Variants in CCDC149 observed in about 807,000 individuals in gnomAD.
CCDC149 encodes the protein coiled-coil domain containing 149.
CCDC149 carries 45 observed loss-of-function variants against 59.9 expected under a neutral mutation model. The observed-to-expected ratio is 0.75, with a 90% CI of 0.59 to 0.96. The LOEUF is 0.96. Among genes scored for constraint, CCDC149 ranks in the 40% least tolerant of loss-of-function variants. CCDC149 has a pLI of 0.00. For synonymous variants in CCDC149, 245 were observed against 260.6 expected (o/e 0.94, Z 0.58); for missense variants, 584 against 664.7 (o/e 0.88, Z 1.33).
rs559079662 is a variant in CCDC149 at position 24,827,756 on chromosome 4, G to A, written c.965+3750C>T. The A allele has an allele frequency of 4.6e-5, 7 of 152,300 alleles. No individual in the cohort carries two copies. In the East Asian group the frequency reaches 5.8e-4, roughly 13 times the overall value. 9.4% of individuals were successfully genotyped at this position (152,300 alleles called of 1,614,324 possible). On this transcript the variant is annotated intron_variant, in intron 9 of 12. Coordinates refer to ENST00000635206, the MANE Select transcript of CCDC149 (RefSeq NM_001330643.2). ...TCATCAATTCTTCGAGATGGCTTCC[G>A]TTGGAGCCTCTCAAGGGTGGTAACT...
chr4:24,866,823 C>CCA (rs3066470), intron 3 of CCDC149, among the ~76,000 whole-genome samples: 118,880 of 142,032 alleles, frequency 0.84, 49,736 homozygotes, highest in South Asian at 0.9. Context: ...ACACACACAC[C>CCA]CACACACACA....
At chr4:24,810,791 T>A (rs1459160314) in intron 12 of CCDC149, among the ~76,000 whole-genome samples, 1 of 152,210 alleles carries the variant, frequency 6.6e-6, no homozygotes, top group Non-Finnish European at 1.5e-5. Context: ...CAATGAAATG[T>A]AGTTTTTCCT....
intron 8 of CCDC149, among the ~76,000 whole-genome samples, chr4:24,832,519 C>T (rs1018165439): frequency 6.6e-6 from 1 of 152,184 alleles, no homozygotes; most frequent in Non-Finnish European, 1.5e-5. Flanking sequence ...AGGACTGAGA[C>T]CCATATGAGA....
intron 1 of CCDC149, among the ~76,000 whole-genome samples, chr4:24,905,063 G>T (rs956207785): frequency 6.6e-6 from 1 of 151,742 alleles, no homozygotes; most frequent in African/African-American, 2.4e-5. Context: ...CACCATGCCT[G>T]CCTAATTTTT....
intron 8 of CCDC149, 63 bp from the exon 9 acceptor site, chr4:24,831,713 A>G: frequency 6.8e-7 from 1 of 1,461,776 alleles, no homozygotes. Flanking sequence ...AATGCAAACC[A>G]ATGTCAATCC....
intron 1 of CCDC149, among the ~76,000 whole-genome samples, chr4:24,946,550 A>AT (rs1222352519): frequency 1.3e-5 from 2 of 152,206 alleles, no homozygotes; most frequent in African/African-American, 4.8e-5. Flanking sequence ...TGGTAAAGAT[A>AT]TTTTTTAAAA....
intron 1 of CCDC149, among the ~76,000 whole-genome samples, chr4:24,919,536 C>A (rs952474951): frequency 2.6e-5 from 4 of 152,098 alleles, no homozygotes; most frequent in South Asian, 2.1e-4. Flanking sequence ...AAAGGAAAAC[C>A]AGGTCTATTT....
intron 1 of CCDC149, among the ~76,000 whole-genome samples, chr4:24,957,859 C>G (rs1233385169): frequency 1.3e-5 from 2 of 152,140 alleles, no homozygotes; most frequent in African/African-American, 4.8e-5. Context: ...TGGGAAGAAG[C>G]AAGATTGGAA....
intron 1 of CCDC149, among the ~76,000 whole-genome samples, chr4:24,908,800 A>C (rs1239394793): frequency 6.6e-6 from 1 of 152,262 alleles, no homozygotes; most frequent in African/African-American, 2.4e-5. Context: ...AACATGCTCA[A>C]GGAATAGGAG....
intron 1 of CCDC149, among the ~76,000 whole-genome samples, chr4:24,941,345 C>T (rs1287598800): frequency 3.3e-5 from 5 of 152,074 alleles, no homozygotes; most frequent in South Asian, 4.2e-4. Context: ...TCTTTGAAAC[C>T]GACGAGAACA....
At chr4:24,866,484 A>T (rs1300740878) in intron 3 of CCDC149, among the ~76,000 whole-genome samples, 3 of 152,166 alleles carry the variant, frequency 2.0e-5, no homozygotes, top group African/African-American at 7.2e-5. Flanking sequence ...TTAGCAAAAG[A>T]AAAATATTTA....
At chr4:24,813,444 CTAGA>C (rs1318536658) in intron 12 of CCDC149, among the ~76,000 whole-genome samples, 1 of 143,304 alleles carries the variant, frequency 7.0e-6, no homozygotes. Context: ...TCTAAGGTTT[CTAGA>C]TAAATTGCTG....
intron 1 of CCDC149, among the ~76,000 whole-genome samples, chr4:24,907,074 A>G (rs1177594925): frequency 6.6e-6 from 1 of 152,222 alleles, no homozygotes; most frequent in Non-Finnish European, 1.5e-5. Context: ...CCACTACTCA[A>G]ACAACAAAAA....
chr4:24,929,954 C>T (rs992351740), intron 1 of CCDC149, among the ~76,000 whole-genome samples: 1 of 152,164 alleles, frequency 6.6e-6, no homozygotes, highest in African/African-American at 2.4e-5. Flanking sequence ...ATGGAAAGAA[C>T]AAGAAACTAG....
chr4:24,898,332 G>T (rs1164125389), intron 1 of CCDC149, among the ~76,000 whole-genome samples: 1 of 152,132 alleles, frequency 6.6e-6, no homozygotes, highest in Admixed American at 6.5e-5. Flanking sequence ...CAGAGAAAAT[G>T]AGGTATTGGA....
In CCDC149 at chr4:24,904,858, T is replaced by C. The variant is rs956069777; in HGVS notation, c.63+7959A>G. On this transcript the variant is annotated intron_variant, in intron 1 of 12. Coordinates refer to ENST00000635206, the MANE Select transcript of CCDC149 (RefSeq NM_001330643.2). ...TCAGTGCAGGGTTTATTTAATCCTT[T>C]TGTCCATTTAAAAATTCAGATTGTT... Among the ~76,000 whole-genome samples, 10 of 152,310 alleles carry C rather than the reference T, an allele frequency of 6.6e-5. No individual in the cohort carries two copies. In the Middle Eastern group the frequency reaches 0.01, roughly 155 times the overall value.
At chr4:24,831,723 C>T in intron 8 of CCDC149, 73 bp from the exon 9 acceptor site, 1 of 1,385,160 alleles carries the variant, frequency 7.2e-7, no homozygotes, top group Non-Finnish European at 1.0e-6. Flanking sequence ...AATGTCAATC[C>T]TTCTTGGATA....
chr4:24,956,600 T>A (rs1313196921), intron 1 of CCDC149, among the ~76,000 whole-genome samples: 1 of 152,152 alleles, frequency 6.6e-6, no homozygotes, highest in Non-Finnish European at 1.5e-5. Flanking sequence ...GAGCGAGAAG[T>A]ACTATGGATG....
intron 1 of CCDC149, among the ~76,000 whole-genome samples, chr4:24,912,396 C>T (rs190633549): frequency 4.6e-4 from 70 of 152,286 alleles, no homozygotes; most frequent in Non-Finnish European, 7.4e-4. Flanking sequence ...TTCCACCTGG[C>T]CCAGGTTCCA....
Sources: allele counts gnomAD v4.1 joint callset (sites outside exome capture counted in the v4.1 genomes callset), GRCh38; gene constraint gnomAD v4.1.1; transcripts MANE v1.5; gene names NCBI Gene and HGNC (gene_info 2026-07-23, HGNC 2026-07-21).